Variants in MYO3B observed in about 807,000 individuals in gnomAD.
MYO3B encodes myosin IIIB, also known as myosin-IIIb.
In MYO3B, 156 loss-of-function variants were observed where a neutral mutation model predicts 174.6. The ratio of observed to expected loss-of-function variants is 0.89; its 90% CI spans 0.78 to 1.02. MYO3B has a LOEUF of 1.02. MYO3B is among the 50% of genes least tolerant of loss of function. The pLI, the probability that MYO3B is intolerant of heterozygous loss-of-function variation, is 0.00. For synonymous variants in MYO3B, 563 were observed against 569.1 expected (o/e 0.99, Z 0.15); for missense variants, 1,632 against 1,639.4 (o/e 1.00, Z 0.08).
intron 6 of MYO3B, among the ~76,000 whole-genome samples, chr2:170,232,125 C>T (rs913874549): frequency 6.6e-6 from 1 of 152,170 alleles, no homozygotes; most frequent in African/African-American, 2.4e-5. Flanking sequence ...ACAACTGATT[C>T]AGAGAGTTCT....
intron 22 of MYO3B, among the ~76,000 whole-genome samples, chr2:170,425,013 G>T (rs1234471240): frequency 6.6e-6 from 1 of 152,048 alleles, no homozygotes; most frequent in Admixed American, 6.6e-5. Context: ...TTGGAGAAAA[G>T]GTCTCAAAGC....
At chr2:170,184,533 G>A (rs2092440115) in intron 1 of MYO3B, among the ~76,000 whole-genome samples, 1 of 152,032 alleles carries the variant, frequency 6.6e-6, no homozygotes, top group Non-Finnish European at 1.5e-5. Flanking sequence ...TCTTTTTATG[G>A]CTGAATAATA....
At chr2:170,215,306 T>C (rs929918025) in intron 5 of MYO3B, among the ~76,000 whole-genome samples, 2 of 152,200 alleles carry the variant, frequency 1.3e-5, no homozygotes, top group African/African-American at 2.4e-5. Flanking sequence ...TGCTGCTACA[T>C]GTGAGGCTGG....
intron 29 of MYO3B, among the ~76,000 whole-genome samples, chr2:170,518,011 G>A (rs1688430839): frequency 6.6e-6 from 1 of 151,960 alleles, no homozygotes; most frequent in South Asian, 2.1e-4. Context: ...GTGTGTGTGT[G>A]TGTAATAATA....
intron 7 of MYO3B, among the ~76,000 whole-genome samples, chr2:170,298,166 A>T (rs2093640215): frequency 6.6e-6 from 1 of 152,086 alleles, no homozygotes; most frequent in South Asian, 2.1e-4. Context: ...TCCCAATCAC[A>T]TCCCAGCTGG....
intron 25 of MYO3B, among the ~76,000 whole-genome samples, chr2:170,483,511 C>T (rs1293493027): frequency 2.1e-5 from 3 of 140,342 alleles, no homozygotes; most frequent in East Asian, 2.0e-4. Flanking sequence ...CTCAGCCTCC[C>T]GAATAGCTGG....
At chr2:170,534,400 G>A (rs1233528726) in intron 30 of MYO3B, among the ~76,000 whole-genome samples, 3 of 152,152 alleles carry the variant, frequency 2.0e-5, no homozygotes, top group African/African-American at 7.2e-5. Flanking sequence ...TCTGAGATAT[G>A]TTTGTTGTTA....
intron 6 of MYO3B, among the ~76,000 whole-genome samples, chr2:170,226,492 G>A (rs942892823): frequency 3.3e-5 from 5 of 152,152 alleles, no homozygotes; most frequent in Non-Finnish European, 2.9e-5. Context: ...GCAGGCAAAC[G>A]GCCCAAGGTG....
At chr2:170,458,168 G>A (rs1448850111) in intron 23 of MYO3B, among the ~76,000 whole-genome samples, 1 of 152,148 alleles carries the variant, frequency 6.6e-6, no homozygotes, top group Non-Finnish European at 1.5e-5. Context: ...GATATGATTG[G>A]CAGCGCAGGT....
rs115076492 is a variant in MYO3B, at chr2:170,602,475, C to T, written c.3734-49153C>T. 6.8e-4 allele frequency among the ~76,000 whole-genome samples: 104 copies of T among 152,312 alleles called. 1 individual carries two copies. Among genetic ancestry groups the T allele is most frequent in the African/African-American group, 2.5e-3 (102 of 41,582 alleles). On this transcript the variant is annotated intron_variant, in intron 32 of 34. Coordinates refer to ENST00000408978, the MANE Select transcript of MYO3B (RefSeq NM_138995.5). ...TTTGGGTTTTCTGCTGCACTTATAA[C>T]AAAGTTTTGAATGCAGAGTGAATCA...
At chr2:170,621,105 T>G (rs113337384) in intron 32 of MYO3B, among the ~76,000 whole-genome samples, 25 of 152,154 alleles carry the variant, frequency 1.6e-4, no homozygotes, top group Admixed American at 3.3e-4. Context: ...GCCAGGCTGG[T>G]CTCGAACTCC....
At chr2:170,559,456 A>C (rs375133453) in intron 32 of MYO3B, among the ~76,000 whole-genome samples, 1 of 152,326 alleles carries the variant, frequency 6.6e-6, no homozygotes, top group African/African-American at 2.4e-5. Flanking sequence ...TAATTAGGCC[A>C]AAAGATCAGA....
intron 32 of MYO3B, among the ~76,000 whole-genome samples, chr2:170,571,451 C>A (rs956015932): frequency 6.6e-6 from 1 of 151,964 alleles, no homozygotes; most frequent in African/African-American, 2.4e-5. Context: ...AGGAGATGAG[C>A]TGGAGAGAGG....
Position 170,537,198 on chromosome 2 carries a change from C to A in MYO3B, c.3576-5708C>A, listed in dbSNP as rs1689753201. ...CCCGGGTGACAGTGCGAGACTCTGT[C>A]TCAAAAAAAAAAAAAAACAAAAAAC... On this transcript the variant is annotated intron_variant, in intron 30 of 34. Coordinates refer to ENST00000408978, the MANE Select transcript of MYO3B (RefSeq NM_138995.5). Among the ~76,000 whole-genome samples the A allele has an allele frequency of 1.7e-4, 8 of 47,784 alleles. No homozygotes were observed. In the South Asian group the frequency reaches 7.3e-3, roughly 44 times the overall value. 31.3% of individuals were successfully genotyped at this position (47,784 alleles called of 152,430 possible).
At chr2:170,507,569 T>C (rs1365734374) in intron 28 of MYO3B, among the ~76,000 whole-genome samples, 4 of 151,916 alleles carry the variant, frequency 2.6e-5, no homozygotes, top group Admixed American at 6.6e-5. Flanking sequence ...CCAGCTCTTT[T>C]ATTAGTAGAG....
intron 12 of MYO3B, 158 bp downstream of exon 12, chr2:170,383,972 T>C: frequency 1.7e-6 from 1 of 603,776 alleles, no homozygotes; most frequent in Non-Finnish European, 3.0e-6. Context: ...AACTTGAGCA[T>C]AGGTAAAGCC....
At position 170,383,758 on chromosome 2, in the gene MYO3B, A is replaced by G; in HGVS notation, c.1234A>G (p.Ile412Val). The G allele has an allele frequency of 6.2e-7, 1 of 1,613,800 alleles. No homozygotes were observed. Residue 412 changes from isoleucine (I) to valine (V), a missense_variant, in exon 12 of 35, where the codon ATA (isoleucine) becomes GTA (valine). Coordinates refer to ENST00000408978, the MANE Select transcript of MYO3B (RefSeq NM_138995.5). ...GVKRASNPPH[I>V]FASADAAYQC... ...GAAACGCGCCTCCAATCCCCCCCAC[A>G]TATTTGCATCAGCAGATGCTGCTTA...
chr2:170,575,316 A>G (rs1163356284), intron 32 of MYO3B, among the ~76,000 whole-genome samples: 1 of 152,030 alleles, frequency 6.6e-6, no homozygotes, highest in African/African-American at 2.4e-5. Flanking sequence ...ATATGTTTAT[A>G]TTTTTTTCCT....
chr2:170,241,508 G>A (rs527500331), intron 7 of MYO3B, among the ~76,000 whole-genome samples: 156 of 152,356 alleles, frequency 1.0e-3, no homozygotes, highest in Middle Eastern at 6.8e-3. Flanking sequence ...TCAGGCTTGG[G>A]TTGGGTGCTT....
Sources: allele counts gnomAD v4.1 joint callset (sites outside exome capture counted in the v4.1 genomes callset), GRCh38; gene constraint gnomAD v4.1.1; transcripts MANE v1.5; gene names NCBI Gene and HGNC (gene_info 2026-07-23, HGNC 2026-07-21).